Variants in CNTNAP2 observed in about 807,000 individuals in gnomAD.
CNTNAP2 encodes the protein contactin associated protein 2, also known as contactin-associated protein-like 2.
A neutral mutation model predicts 155.2 loss-of-function variants in CNTNAP2; 98 were observed. The ratio of observed to expected loss-of-function variants is 0.63; its 90% CI spans 0.54 to 0.75. The LOEUF (loss-of-function observed/expected upper bound fraction) is 0.75, where lower values mean the gene tolerates loss of function less well. Ranked by LOEUF, CNTNAP2 falls within the 30% of genes least tolerant of loss-of-function variation. CNTNAP2 has a pLI of 0.00. For synonymous variants in CNTNAP2, 651 were observed against 631.2 expected (o/e 1.03, Z -0.47); for missense variants, 1,727 against 1,688.1 (o/e 1.02, Z -0.40).
chr7:148,170,741 C>G (rs1805773296), intron 17 of CNTNAP2, among the ~76,000 whole-genome samples: 1 of 152,194 alleles, frequency 6.6e-6, no homozygotes, highest in Non-Finnish European at 1.5e-5. Flanking sequence ...GTTTTGCAGG[C>G]ATAAGCAGAT....
At chr7:146,557,200 C>T (rs1481552174) in intron 1 of CNTNAP2, among the ~76,000 whole-genome samples, 2 of 152,022 alleles carry the variant, frequency 1.3e-5, no homozygotes, top group South Asian at 2.1e-4. Context: ...GGACTAAACT[C>T]ACTCCCGATA....
chr7:146,162,336 A>T (rs900605777), intron 1 of CNTNAP2, among the ~76,000 whole-genome samples: 4 of 152,198 alleles, frequency 2.6e-5, no homozygotes, highest in Non-Finnish European at 5.9e-5. Context: ...CCCATCAAAA[A>T]GTGGGCAAAG....
chr7:147,762,876 T>C (rs1797327043), intron 13 of CNTNAP2, among the ~76,000 whole-genome samples: 1 of 151,986 alleles, frequency 6.6e-6, no homozygotes, highest in Non-Finnish European at 1.5e-5. Context: ...ACTAAATATC[T>C]ATTGTGTTGT....
chr7:148,175,746 C>T lies in CNTNAP2; in HGVS notation c.3010+3268C>T, dbSNP rs149163012. On this transcript the variant is annotated intron_variant, in intron 18 of 23. Coordinates refer to ENST00000361727, the MANE Select transcript of CNTNAP2 (RefSeq NM_014141.6). ...AGGGGGACAGATAAGCTAAGTCTCA[C>T]CCCTGTATATTATTAGCCCATCCAG... Among the ~76,000 whole-genome samples, 940 of 152,200 alleles carry T rather than the reference C, an allele frequency of 6.2e-3. 6 individuals are homozygous for T. Among genetic ancestry groups the T allele is most frequent in the Middle Eastern group, 0.017 (5 of 294 alleles).
intron 1 of CNTNAP2, among the ~76,000 whole-genome samples, chr7:146,570,887 G>C (rs960141025): frequency 6.6e-6 from 1 of 151,978 alleles, no homozygotes; most frequent in African/African-American, 2.4e-5. Flanking sequence ...TAATAAATGA[G>C]AATTTAGTCA....
chr7:146,709,027 T>C (rs1214165820), intron 1 of CNTNAP2, among the ~76,000 whole-genome samples: 1 of 152,180 alleles, frequency 6.6e-6, no homozygotes, highest in Non-Finnish European at 1.5e-5. Context: ...GAGAGGCTTA[T>C]TTTCTATATA....
At chr7:148,300,294 A>G (rs1797360077) in intron 21 of CNTNAP2, among the ~76,000 whole-genome samples, 1 of 152,196 alleles carries the variant, frequency 6.6e-6, no homozygotes, top group Non-Finnish European at 1.5e-5. Context: ...CCTGAATCAT[A>G]TTTCCTCCTC....
chr7:147,139,983 C>T (rs1325863660), intron 8 of CNTNAP2, among the ~76,000 whole-genome samples: 1 of 152,042 alleles, frequency 6.6e-6, no homozygotes, highest in African/African-American at 2.4e-5. Context: ...ATATATTTCC[C>T]TTGAGGCTTT....
intron 13 of CNTNAP2, among the ~76,000 whole-genome samples, chr7:147,837,074 C>G (rs1456877773): frequency 6.6e-6 from 1 of 152,104 alleles, no homozygotes; most frequent in East Asian, 1.9e-4. Flanking sequence ...TAGTATTATC[C>G]ATTTATATAA....
chr7:148,028,487 GATC>G (rs1305280701), intron 15 of CNTNAP2, among the ~76,000 whole-genome samples: 1 of 152,266 alleles, frequency 6.6e-6, no homozygotes, highest in African/African-American at 2.4e-5. Flanking sequence ...AAGGTGGAAG[GATC>G]ACTTGAGTCC....
chr7:146,815,162 G>T (rs536170260), intron 2 of CNTNAP2, among the ~76,000 whole-genome samples: 1 of 152,118 alleles, frequency 6.6e-6, no homozygotes, highest in South Asian at 2.1e-4. Flanking sequence ...ATCTTACCTT[G>T]TTAATCTGTT....
chr7:146,819,657 A>G (rs7806453), intron 2 of CNTNAP2, among the ~76,000 whole-genome samples: 1 of 152,076 alleles, frequency 6.6e-6, no homozygotes, highest in Admixed American at 6.6e-5. Flanking sequence ...CTCATCTTTA[A>G]AACCGATATG....
intron 13 of CNTNAP2, among the ~76,000 whole-genome samples, chr7:147,736,605 T>C (rs1258432207): frequency 3.3e-5 from 5 of 152,010 alleles, no homozygotes; most frequent in East Asian, 3.9e-4. Context: ...TGAATAATAT[T>C]CTGCAGAGTG....
chr7:148,063,033 A>T (rs530587027), intron 15 of CNTNAP2, among the ~76,000 whole-genome samples: 10 of 152,296 alleles, frequency 6.6e-5, no homozygotes, highest in Non-Finnish European at 1.5e-4. Flanking sequence ...GCATTTGAAA[A>T]TTTAGGCAAA....
At chr7:147,400,149 C>T (rs558914128) in intron 10 of CNTNAP2, among the ~76,000 whole-genome samples, 1 of 152,242 alleles carries the variant, frequency 6.6e-6, no homozygotes, top group East Asian at 1.9e-4. Flanking sequence ...GAGCCCAAAC[C>T]TTCAGAAACA....
rs567276178 is a variant in CNTNAP2, at chr7:146,833,240, A to C, written c.209-6471A>C. ...TTATCTCCACTAGCCCTCAATTGCT[A>C]TTACTTATGGAACTAATTGGTGTTG... is the stretch of plus-strand genomic sequence containing the variant. On this transcript the variant is annotated intron_variant, in intron 2 of 23. Transcript: ENST00000361727. Among the ~76,000 whole-genome samples, 63 of 152,224 alleles carry C rather than the reference A, an allele frequency of 4.1e-4. 1 individual carries two copies. In the South Asian group the frequency reaches 0.012, roughly 29 times the overall value.
chr7:146,681,990 C>T lies in CNTNAP2; in HGVS notation c.98-92281C>T, dbSNP rs143625636. On this transcript the variant is annotated intron_variant, in intron 1 of 23. Transcript: ENST00000361727. ...TCCAGATAAAACCATATAAAGTTCT[C>T]TCAGGTCAGACGCACAGAAACACAT... Among the ~76,000 whole-genome samples, 631 of 109,100 alleles carry T rather than the reference C, an allele frequency of 5.8e-3. 1 individual carries two copies. Among genetic ancestry groups the T allele is most frequent in the African/African-American group, 0.019 (604 of 32,592 alleles). 71.6% of individuals were successfully genotyped at this position (109,100 alleles called of 152,430 possible).
At chr7:147,173,501 A>C (rs1182447203) in intron 8 of CNTNAP2, among the ~76,000 whole-genome samples, 1 of 152,182 alleles carries the variant, frequency 6.6e-6, no homozygotes, top group Non-Finnish European at 1.5e-5. Context: ...TAGATTTATA[A>C]AAACAAATGG....
intron 1 of CNTNAP2, among the ~76,000 whole-genome samples, chr7:146,404,111 C>A (rs1408021187): frequency 1.7e-5 from 2 of 115,948 alleles, no homozygotes; most frequent in African/African-American, 9.4e-5. Context: ...GGCGACAGAG[C>A]GAGACTCCGT....
Sources: gnomAD v4.1 joint callset for allele counts (sites outside exome capture counted in the v4.1 genomes callset) on GRCh38, gnomAD v4.1.1 for gene constraint, MANE v1.5 for transcripts, NCBI Gene and HGNC (gene_info 2026-07-23, HGNC 2026-07-21) for gene names.